Variants in ACTR3C observed in about 807,000 individuals in gnomAD.
The protein encoded by ACTR3C is actin related protein 3C, also known as actin-related protein 3C.
ACTR3C carries 18 observed loss-of-function variants against 26.3 expected under a neutral mutation model. That is an observed-to-expected ratio of 0.68 (90% CI 0.47 to 1.01). The LOEUF is 1.01. Among genes scored for constraint, ACTR3C ranks in the 50% least tolerant of loss-of-function variants. The pLI is 0.00. For missense variants in ACTR3C, 184 were observed against 250.7 expected, an observed-to-expected ratio of 0.73 and a Z score of 1.80; for synonymous variants, 55 against 94.5, an observed-to-expected ratio of 0.58 and a Z score of 2.42.
intron 1 of ACTR3C, chr7:150,322,675 G>A (rs1396770422): frequency 1.3e-5 from 2 of 152,214 alleles, no homozygotes; most frequent in Non-Finnish European, 2.9e-5. Flanking sequence ...AGTAGCCCTG[G>A]AGCTGCTCTG....
chr7:149,969,552 A>G, the ACTR3C span, among the ~76,000 whole-genome samples: 12 of 152,208 alleles, frequency 7.9e-5, no homozygotes, highest in East Asian at 2.1e-3. Context: ...ACAGATTTTA[A>G]TCTATACCTA....
the ACTR3C span, among the ~76,000 whole-genome samples, chr7:150,050,933 C>T: frequency 6.7e-6 from 1 of 150,024 alleles, no homozygotes; most frequent in Non-Finnish European, 1.5e-5. Flanking sequence ...GGTGAAACCC[C>T]ATCTCCACTA....
At chr7:150,066,161 C>CA in the ACTR3C span, among the ~76,000 whole-genome samples, 1 of 152,050 alleles carries the variant, frequency 6.6e-6, no homozygotes, top group Non-Finnish European at 1.5e-5. Context: ...TACACACACA[C>CA]AAAGGAAGGA....
chr7:150,246,255 C>T (rs1402124866), downstream of ACTR3C: 1 of 152,118 alleles, frequency 6.6e-6, no homozygotes, highest in African/African-American at 2.4e-5. Context: ...TGTGTTTCTG[C>T]CTTGGGTTTT....
At chr7:149,932,542 A>G in the ACTR3C span, among the ~76,000 whole-genome samples, 1 of 152,246 alleles carries the variant, frequency 6.6e-6, no homozygotes, top group African/African-American at 2.4e-5. Flanking sequence ...GACCACATCA[A>G]GTCAAACACA....
At chr7:150,216,437 T>C in the ACTR3C span, among the ~76,000 whole-genome samples, 2 of 151,526 alleles carry the variant, frequency 1.3e-5, no homozygotes, top group Non-Finnish European at 2.9e-5. Context: ...GTTGTGGGGG[T>C]GAGGGTTAGA....
chr7:150,147,564 T>G, the ACTR3C span, among the ~76,000 whole-genome samples: 1 of 152,308 alleles, frequency 6.6e-6, no homozygotes, highest in Non-Finnish European at 1.5e-5. Context: ...TCCTTATAAA[T>G]GAAATAATTA....
the ACTR3C span, among the ~76,000 whole-genome samples, chr7:150,129,719 C>A: frequency 2.3e-4 from 35 of 152,168 alleles, 1 homozygote; most frequent in African/African-American, 8.2e-4. Flanking sequence ...ATAAAGAGAT[C>A]TACACTCAAA....
At chr7:149,905,104 C>G in the ACTR3C span, among the ~76,000 whole-genome samples, 1 of 150,794 alleles carries the variant, frequency 6.6e-6, no homozygotes, top group Non-Finnish European at 1.5e-5. Flanking sequence ...TAAGCTGATT[C>G]TAAAATGAAC....
the ACTR3C span, among the ~76,000 whole-genome samples, chr7:149,905,993 T>C: frequency 6.6e-6 from 1 of 152,170 alleles, no homozygotes; most frequent in Non-Finnish European, 1.5e-5. Context: ...TACTGCACCA[T>C]TTTATATAAC....
chr7:150,026,539 TG>T, the ACTR3C span, among the ~76,000 whole-genome samples: 23,093 of 151,938 alleles, frequency 0.15, 1,918 homozygotes, highest in South Asian at 0.2. Flanking sequence ...ATTCACTTAT[TG>T]GGAATGGTTT....
the ACTR3C span, among the ~76,000 whole-genome samples, chr7:150,088,116 C>T: frequency 4.6e-5 from 7 of 152,184 alleles, no homozygotes; most frequent in African/African-American, 1.7e-4. Flanking sequence ...CAAAAGTGTT[C>T]TCCCATTCTA....
At chr7:150,084,866 T>A in the ACTR3C span, among the ~76,000 whole-genome samples, 2 of 151,964 alleles carry the variant, frequency 1.3e-5, no homozygotes, top group Admixed American at 1.3e-4. Flanking sequence ...GGGAGTGACT[T>A]CAGAGATTCC....
At chr7:150,226,555 G>C in the ACTR3C span, among the ~76,000 whole-genome samples, 1 of 152,040 alleles carries the variant, frequency 6.6e-6, no homozygotes, top group African/African-American at 2.4e-5. Context: ...TCCTGCCTTA[G>C]CCTCCTGAGT....
At chr7:149,915,810 G>T in the ACTR3C span, among the ~76,000 whole-genome samples, 1 of 150,290 alleles carries the variant, frequency 6.7e-6, no homozygotes, top group Middle Eastern at 3.4e-3. Flanking sequence ...TGTATGCAAA[G>T]ATATACACAC....
At chr7:150,255,278 T>C (rs1833138619) in intron 6 of ACTR3C, among the ~76,000 whole-genome samples, 1 of 150,554 alleles carries the variant, frequency 6.6e-6, no homozygotes, top group Admixed American at 6.6e-5. Flanking sequence ...GCTTTCGAGT[T>C]TTTCTCTTAT....
chr7:150,295,399 A>G, intron 1 of ACTR3C, 52 bp from the exon 2 acceptor site: 1 of 1,562,342 alleles, frequency 6.4e-7, no homozygotes, highest in Non-Finnish European at 8.8e-7. Context: ...TCATGTAAAT[A>G]CATCAGAACC....
chr7:150,273,522 C>T (rs1834611824), intron 6 of ACTR3C, among the ~76,000 whole-genome samples: 1 of 151,114 alleles, frequency 6.6e-6, no homozygotes, highest in Non-Finnish European at 1.5e-5. Flanking sequence ...CTGCCTTGGC[C>T]TCCCGAAGTG....
At chr7:150,036,176 G>C in the ACTR3C span, among the ~76,000 whole-genome samples, 115 of 140,046 alleles carry the variant, frequency 8.2e-4, 13 homozygotes, top group Non-Finnish European at 1.4e-3. Context: ...CCCCGCGATG[G>C]GAGTCCCAAG....
Sources: gnomAD v4.1 joint callset for allele counts (sites outside exome capture counted in the v4.1 genomes callset) on GRCh38, gnomAD v4.1.1 for gene constraint, MANE v1.5 for transcripts, NCBI Gene and HGNC (gene_info 2026-07-23, HGNC 2026-07-21) for gene names.